The following LRP1B variants were observed in gnomAD, a reference collection of about 807,000 sequenced individuals.
The protein encoded by LRP1B is low-density lipoprotein receptor-related protein 1B.
LRP1B carries 217 observed loss-of-function variants against 556.6 expected under a neutral mutation model. That is an observed-to-expected ratio of 0.39 (90% CI 0.35 to 0.44). The LOEUF is 0.44. Among genes scored for constraint, LRP1B ranks in the 20% least tolerant of loss-of-function variants. LRP1B has a pLI of 1.00. For synonymous variants in LRP1B, 2,047 were observed against 1,865.8 expected (o/e 1.10, Z -2.50); for missense variants, 5,053 against 5,620.8 (o/e 0.90, Z 3.23).
intron 43 of LRP1B, among the ~76,000 whole-genome samples, chr2:140,579,399 C>T (rs1238159402): frequency 6.6e-6 from 1 of 151,946 alleles, no homozygotes; most frequent in Non-Finnish European, 1.5e-5. Context: ...TGGATTAGGT[C>T]CCTAACTTAA....
At chr2:141,267,116 G>A (rs1001368693) in intron 3 of LRP1B, among the ~76,000 whole-genome samples, 1 of 152,166 alleles carries the variant, frequency 6.6e-6, no homozygotes. Context: ...CCTTCTGTGG[G>A]TTGGCAATTG....
intron 3 of LRP1B, among the ~76,000 whole-genome samples, chr2:141,400,231 A>G (rs904276230): frequency 6.6e-5 from 10 of 152,120 alleles, no homozygotes; most frequent in Non-Finnish European, 1.3e-4. Context: ...CTTCTGCCTC[A>G]GCCTCCCAAA....
intron 66 of LRP1B, among the ~76,000 whole-genome samples, chr2:140,392,961 GCT>G (rs976324249): frequency 5.4e-5 from 8 of 147,658 alleles, no homozygotes; most frequent in African/African-American, 1.8e-4. Context: ...ACAGTATTCT[GCT>G]CTGTCACCCA....
chr2:141,986,593 T>C (rs575584253), intron 1 of LRP1B, among the ~76,000 whole-genome samples: 1 of 152,004 alleles, frequency 6.6e-6, no homozygotes, highest in Non-Finnish European at 1.5e-5. Flanking sequence ...TATATTTTGA[T>C]CTTAGATTAT....
rs1168337931 is a variant in LRP1B, at chr2:141,423,289, G to GC, written c.343+57106dup. ...GCCCTCTCACTAGGCAACAGCCAGAGCTTTTTTTTTTTTTTTTTTTTTTTT... is the reference window on the plus strand; with the variant it reads ...GCCCTCTCACTAGGCAACAGCCAGAGCCTTTTTTTTTTTTTTTTTTTTTTTT... On this transcript the variant is annotated intron_variant, in intron 3 of 90. Transcript: ENST00000389484. Among the ~76,000 whole-genome samples, 285 of 86,884 alleles carry GC rather than the reference G, an allele frequency of 3.3e-3. 25 individuals are homozygous for GC. The East Asian group carries it at 0.037, about 11-fold the overall frequency. 57.0% of individuals were successfully genotyped at this position (86,884 alleles called of 152,430 possible). A position where few individuals can be genotyped will look rare whatever the true frequency, so the allele number is the denominator to read the frequency against.
intron 43 of LRP1B, among the ~76,000 whole-genome samples, chr2:140,547,353 A>G (rs1185717127): frequency 1.3e-5 from 2 of 151,978 alleles, no homozygotes; most frequent in Non-Finnish European, 2.9e-5. Flanking sequence ...CTGCTCAGGG[A>G]TTCAATTTTT....
At chr2:140,803,534 G>A (rs1231818166) in intron 32 of LRP1B, among the ~76,000 whole-genome samples, 2 of 151,808 alleles carry the variant, frequency 1.3e-5, no homozygotes, top group Non-Finnish European at 2.9e-5. Flanking sequence ...TCCTGATCTC[G>A]TGATCCACTC....
intron 60 of LRP1B, among the ~76,000 whole-genome samples, chr2:140,474,740 T>C (rs560655330): frequency 6.6e-6 from 1 of 152,060 alleles, no homozygotes; most frequent in East Asian, 1.9e-4. Flanking sequence ...GCTTAACTGA[T>C]AACTTATAAA....
chr2:141,735,215 TAGAA>T (rs1184660102), intron 2 of LRP1B, among the ~76,000 whole-genome samples: 9 of 151,722 alleles, frequency 5.9e-5, no homozygotes, highest in Non-Finnish European at 1.3e-4. Context: ...GACACAAAAA[TAGAA>T]AGACAGATCT....
At position 141,386,465 on chromosome 2, in the gene LRP1B, T is replaced by C. The variant is rs539600263; in HGVS notation, c.343+93931A>G. 2.0e-5 allele frequency among the ~76,000 whole-genome samples: 3 copies of C among 152,168 alleles called. No homozygotes were observed. In the South Asian group the frequency reaches 6.2e-4, roughly 31 times the overall value. On this transcript the variant is annotated intron_variant, in intron 3 of 90. Coordinates refer to ENST00000389484, the MANE Select transcript of LRP1B (RefSeq NM_018557.3). ...AAAGCATGATCCAACCTATATACTG[T>C]CCATAGAAGAGTCACTTTATATGCA... is the stretch of plus-strand genomic sequence containing the variant.
At chr2:140,745,911 G>C (rs982337780) in intron 35 of LRP1B, among the ~76,000 whole-genome samples, 3 of 152,140 alleles carry the variant, frequency 2.0e-5, no homozygotes, top group African/African-American at 7.2e-5. Flanking sequence ...AAACAATATG[G>C]TAAGGCGGAA....
chr2:140,524,637 C>A, intron 49 of LRP1B, among the ~76,000 whole-genome samples: 1 of 151,844 alleles, frequency 6.6e-6, no homozygotes, highest in Non-Finnish European at 1.5e-5. Context: ...GAAATCATGT[C>A]CTTTGCAGTA....
rs574672186 is a variant in LRP1B at position 140,750,359 on chromosome 2, A to C, written c.5758+18854T>G. Among the ~76,000 whole-genome samples, 3 of 152,316 alleles carry C rather than the reference A, an allele frequency of 2.0e-5. No individual in the cohort carries two copies. The South Asian group carries it at 6.2e-4, about 32-fold the overall frequency. Reference sequence around the variant, plus strand: ...GAATCTGACTATAAACAAATGTATAAAAGTTAACCAGTCCATTTGTCCATT... The same window carrying C: ...GAATCTGACTATAAACAAATGTATACAAGTTAACCAGTCCATTTGTCCATT... On this transcript the variant is annotated intron_variant, in intron 35 of 90. Transcript: ENST00000389484.
intron 1 of LRP1B, among the ~76,000 whole-genome samples, chr2:142,074,798 C>T (rs536146877): frequency 2.6e-5 from 4 of 152,050 alleles, no homozygotes; most frequent in Non-Finnish European, 5.9e-5. Flanking sequence ...GTATCTGACC[C>T]TCTCTCACCT....
chr2:140,961,659 A>G (rs1348594966), intron 18 of LRP1B, among the ~76,000 whole-genome samples: 1 of 152,104 alleles, frequency 6.6e-6, no homozygotes, highest in East Asian at 1.9e-4. Flanking sequence ...ATAGTGTCAC[A>G]GCTTTTAATT....
chr2:142,067,476 G>GA (rs1303959940), intron 1 of LRP1B, among the ~76,000 whole-genome samples: 1 of 151,114 alleles, frequency 6.6e-6, no homozygotes, highest in African/African-American at 2.4e-5. Flanking sequence ...CATGTTCTTT[G>GA]AAAAAAAGAG....
chr2:140,377,350 C>A (rs1368959805), intron 68 of LRP1B, among the ~76,000 whole-genome samples: 1 of 152,180 alleles, frequency 6.6e-6, no homozygotes, highest in African/African-American at 2.4e-5. Context: ...GCTAGGATTA[C>A]AGGCGTAAGC....
intron 7 of LRP1B, among the ~76,000 whole-genome samples, chr2:141,082,814 A>T (rs1285690471): frequency 6.6e-6 from 1 of 152,220 alleles, no homozygotes; most frequent in Non-Finnish European, 1.5e-5. Context: ...GAATAAAAGC[A>T]ATAAAACCAT....
At chr2:141,254,778 T>A (rs1318394497) in intron 3 of LRP1B, 137 bp from the exon 4 acceptor site, 1 of 572,876 alleles carries the variant, frequency 1.7e-6, no homozygotes, top group Non-Finnish European at 2.8e-6. Context: ...GAAAAAAATA[T>A]TTACCTAAAA....
Sources: gnomAD v4.1 joint callset for allele counts (sites outside exome capture counted in the v4.1 genomes callset) on GRCh38, gnomAD v4.1.1 for gene constraint, MANE v1.5 for transcripts, NCBI Gene and HGNC (gene_info 2026-07-23, HGNC 2026-07-21) for gene names.